ARHGAP6: variants seen among roughly 807,000 people sequenced by gnomAD.
The protein encoded by ARHGAP6 is rho GTPase-activating protein 6.
In ARHGAP6, 16 loss-of-function variants were observed where a neutral mutation model predicts 55.7. The ratio of observed to expected loss-of-function variants is 0.29; its 90% CI spans 0.19 to 0.44. The LOEUF is 0.44. Ranked by LOEUF, ARHGAP6 falls within the 20% of genes least tolerant of loss-of-function variation. The probability of loss-of-function intolerance (pLI) is 1.00; values close to 1 mark genes in which losing one functional copy is unlikely to be tolerated. For synonymous variants in ARHGAP6, 382 were observed against 360.9 expected (o/e 1.06, Z -0.66); for missense variants, 698 against 808.9 (o/e 0.86, Z 1.66).
intron 1 of ARHGAP6, among the ~76,000 whole-genome samples, chrX:11,544,841 G>A: frequency 8.9e-6 from 1 of 112,536 alleles, no homozygotes; most frequent in Non-Finnish European, 1.9e-5. Flanking sequence ...TTTTATGCTA[G>A]ACTTACATAA....
At chrX:11,590,051 G>A (rs759754634) in intron 1 of ARHGAP6, among the ~76,000 whole-genome samples, 15 of 111,632 alleles carry the variant, frequency 1.3e-4, no homozygotes, top group Non-Finnish European at 2.6e-4. Context: ...AGGGCAGGGT[G>A]AAGAGAGGGA....
At chrX:11,342,852 T>C (rs1454192057) in intron 1 of ARHGAP6, among the ~76,000 whole-genome samples, 1 of 112,500 alleles carries the variant, frequency 8.9e-6, no homozygotes, top group Non-Finnish European at 1.9e-5. Flanking sequence ...AGAGCACTAG[T>C]ACTATGGAAA....
chrX:11,439,867 T>C (rs1193343895), intron 1 of ARHGAP6, among the ~76,000 whole-genome samples: 2 of 112,969 alleles, frequency 1.8e-5, no homozygotes, highest in Non-Finnish European at 3.7e-5. Flanking sequence ...AAATTGTAAC[T>C]AAAAACAATG....
chrX:11,638,204 A>C (rs902057277), intron 1 of ARHGAP6, among the ~76,000 whole-genome samples: 5 of 111,928 alleles, frequency 4.5e-5, no homozygotes, highest in African/African-American at 1.6e-4. Context: ...CTAATGTAAA[A>C]TAAATTCTGA....
chrX:11,522,929 C>T (rs1050206412), intron 1 of ARHGAP6, among the ~76,000 whole-genome samples: 18 of 111,046 alleles, frequency 1.6e-4, no homozygotes, highest in African/African-American at 9.8e-5. Flanking sequence ...AGAGACACAA[C>T]AAAAAACAGA....
At chrX:11,211,058 T>G (rs775316321) in intron 2 of ARHGAP6, among the ~76,000 whole-genome samples, 1 of 111,823 alleles carries the variant, frequency 8.9e-6, no homozygotes, top group African/African-American at 3.2e-5. Context: ...TGAATGGAAG[T>G]CATTTATTAT....
At chrX:11,603,572 GT>G (rs1377308714) in intron 1 of ARHGAP6, among the ~76,000 whole-genome samples, 1 of 111,544 alleles carries the variant, frequency 9.0e-6, no homozygotes, top group Non-Finnish European at 1.9e-5. Context: ...AGGGTCTGTG[GT>G]TTCTGTGACT....
intron 2 of ARHGAP6, among the ~76,000 whole-genome samples, chrX:11,241,483 A>G (rs1298825303): frequency 3.7e-5 from 4 of 109,564 alleles, no homozygotes; most frequent in Non-Finnish European, 7.6e-5. Context: ...AATAATGGAA[A>G]ACGTATTCAA....
chrX:11,452,130 T>C (rs1217404373), intron 1 of ARHGAP6, among the ~76,000 whole-genome samples: 1 of 112,189 alleles, frequency 8.9e-6, no homozygotes, highest in Non-Finnish European at 1.9e-5. Context: ...AGGTACATGA[T>C]AAATGAGAAT....
chrX:11,279,249 C>T (rs1240733647), intron 1 of ARHGAP6, among the ~76,000 whole-genome samples: 2 of 111,984 alleles, frequency 1.8e-5, no homozygotes, highest in Non-Finnish European at 3.8e-5. Flanking sequence ...AATTTTTCTA[C>T]TTAATAATAT....
At chrX:11,242,661 CT>C (rs2047299297) in intron 2 of ARHGAP6, among the ~76,000 whole-genome samples, 1 of 111,690 alleles carries the variant, frequency 9.0e-6, no homozygotes, top group South Asian at 3.8e-4. Context: ...GGGAAAATGG[CT>C]TTTGCCAAGT....
intron 1 of ARHGAP6, among the ~76,000 whole-genome samples, chrX:11,582,855 T>C (rs1459839061): frequency 9.0e-6 from 1 of 111,563 alleles, no homozygotes; most frequent in Non-Finnish European, 1.9e-5. Flanking sequence ...AAACATCACA[T>C]TGTATACAAT....
chrX:11,354,292 TC>T (rs1569311436), intron 1 of ARHGAP6, among the ~76,000 whole-genome samples: 65 of 69,438 alleles, frequency 9.4e-4, no homozygotes, highest in Non-Finnish European at 7.3e-4. Flanking sequence ...TCTCTCTCTC[TC>T]TTTCTCTCTC....
At chrX:11,558,113 G>A (rs1287929824) in intron 1 of ARHGAP6, among the ~76,000 whole-genome samples, 2 of 112,055 alleles carry the variant, frequency 1.8e-5, no homozygotes, top group African/African-American at 6.5e-5. Context: ...CAAGCAATCT[G>A]CTTGGGAAAT....
chrX:11,550,178 T>G (rs1310838116), intron 1 of ARHGAP6, among the ~76,000 whole-genome samples: 11 of 111,848 alleles, frequency 9.8e-5, no homozygotes, highest in Middle Eastern at 4.6e-3. Flanking sequence ...TAATTTGATT[T>G]CAAACATTTG....
At chrX:11,263,920 T>G (rs1466759488) in intron 1 of ARHGAP6, among the ~76,000 whole-genome samples, 1 of 111,869 alleles carries the variant, frequency 8.9e-6, no homozygotes, top group Non-Finnish European at 1.9e-5. Context: ...TACTGCCTAC[T>G]GATTGTTTTC....
chrX:11,358,885 A>C (rs1053530719), intron 1 of ARHGAP6, among the ~76,000 whole-genome samples: 1 of 111,880 alleles, frequency 8.9e-6, no homozygotes, highest in Non-Finnish European at 1.9e-5. Context: ...ATAATAGAAA[A>C]ATTGGTTTGG....
At chrX:11,163,874 G>A (rs758157933) in intron 9 of ARHGAP6, among the ~76,000 whole-genome samples, 35 of 108,809 alleles carry the variant, frequency 3.2e-4, no homozygotes, top group Non-Finnish European at 5.7e-4. Context: ...GATAACTCAA[G>A]CAAAGATGAA....
At chrX:11,211,279 T>C (rs1322384269) in intron 2 of ARHGAP6, among the ~76,000 whole-genome samples, 1 of 103,925 alleles carries the variant, frequency 9.6e-6, no homozygotes, top group Non-Finnish European at 2.0e-5. Flanking sequence ...TGGAGTGCAC[T>C]GGCGCGATCT....
Sources: gnomAD v4.1 joint callset for allele counts (sites outside exome capture counted in the v4.1 genomes callset) on GRCh38, gnomAD v4.1.1 for gene constraint, MANE v1.5 for transcripts, NCBI Gene and HGNC (gene_info 2026-07-23, HGNC 2026-07-21) for gene names.